Variants in KIAA2012 observed in about 807,000 individuals in gnomAD.
The protein encoded by KIAA2012 is uncharacterized protein KIAA2012.
In KIAA2012, 125 loss-of-function variants were observed where a neutral mutation model predicts 150.6. That is an observed-to-expected ratio of 0.83 (90% CI 0.72 to 0.96). The LOEUF is 0.96. Ranked by LOEUF, KIAA2012 falls within the 40% of genes least tolerant of loss-of-function variation. KIAA2012 has a pLI of 0.00. For synonymous variants in KIAA2012, 462 were observed against 504.7 expected (o/e 0.92, Z 1.13); for missense variants, 1,219 against 1,354.9 (o/e 0.90, Z 1.57).
At chr2:202,160,895 C>T (rs754379690) in intron 14 of KIAA2012, among the ~76,000 whole-genome samples, 3 of 152,148 alleles carry the variant, frequency 2.0e-5, no homozygotes, top group African/African-American at 7.2e-5. Context: ...ATGCAGCTGG[C>T]TCAAGACAGG....
chr2:202,105,559 C>T (rs1171755343), intron 8 of KIAA2012, among the ~76,000 whole-genome samples: 3 of 152,196 alleles, frequency 2.0e-5, no homozygotes, highest in South Asian at 2.1e-4. Context: ...GTGCCCACCC[C>T]GGAACCAATC....
At chr2:202,155,442 T>C (rs949282317) in intron 14 of KIAA2012, among the ~76,000 whole-genome samples, 3 of 152,148 alleles carry the variant, frequency 2.0e-5, no homozygotes, top group African/African-American at 7.2e-5. Flanking sequence ...CCCATCCTTT[T>C]CATCGCACAC....
intron 15 of KIAA2012, among the ~76,000 whole-genome samples, chr2:202,171,169 A>G (rs1160730305): frequency 6.8e-6 from 1 of 147,672 alleles, no homozygotes; most frequent in East Asian, 2.0e-4. Flanking sequence ...ATTCATACAT[A>G]GACACACACA....
chr2:202,192,255 A>G (rs1483807829), intron 19 of KIAA2012, among the ~76,000 whole-genome samples: 1 of 152,182 alleles, frequency 6.6e-6, no homozygotes. Flanking sequence ...TTGGATACAC[A>G]GAGTTCCTAG....
At chr2:202,176,493 C>T (rs552795084) in intron 15 of KIAA2012, among the ~76,000 whole-genome samples, 2 of 152,078 alleles carry the variant, frequency 1.3e-5, no homozygotes, top group South Asian at 4.2e-4. Flanking sequence ...CACTGTGCCC[C>T]GCCAATGAAT....
intron 2 of KIAA2012, chr2:202,076,966 T>C (rs1045904890): frequency 2.2e-6 from 1 of 456,802 alleles, no homozygotes; most frequent in Non-Finnish European, 4.4e-6. Flanking sequence ...GGAAAGAGAT[T>C]GGAGAGGGAG....
At chr2:202,165,129 T>C (rs1691729986) in intron 14 of KIAA2012, among the ~76,000 whole-genome samples, 155 bp from the exon 15 acceptor site, 1 of 152,152 alleles carries the variant, frequency 6.6e-6, no homozygotes. Flanking sequence ...GTAGCAGCCT[T>C]CCTGGAGACT....
chr2:202,089,272 CTG>C (rs1230963071), intron 2 of KIAA2012, among the ~76,000 whole-genome samples: 1 of 152,176 alleles, frequency 6.6e-6, no homozygotes, highest in Non-Finnish European at 1.5e-5. Flanking sequence ...TTGTTCAAGC[CTG>C]TTGAGTCAGG....
At chr2:202,149,384 C>G (rs1316455194) in intron 13 of KIAA2012, among the ~76,000 whole-genome samples, 1 of 152,258 alleles carries the variant, frequency 6.6e-6, no homozygotes, top group African/African-American at 2.4e-5. Flanking sequence ...CCCCGACCCG[C>G]TCTTCAAACG....
At chr2:202,193,230 G>A (rs1692352065) in intron 19 of KIAA2012, 71 bp from the exon 20 acceptor site, 1 of 1,394,466 alleles carries the variant, frequency 7.2e-7, no homozygotes, top group Non-Finnish European at 9.9e-7. Flanking sequence ...AACACTGTCT[G>A]GGGTGGAGAA....
chr2:202,130,899 G>A (rs1690913554), intron 12 of KIAA2012, among the ~76,000 whole-genome samples: 1 of 151,736 alleles, frequency 6.6e-6, no homozygotes, highest in Admixed American at 6.6e-5. Flanking sequence ...CCTGGCAACA[G>A]AGCGAGACTC....
In KIAA2012 at chr2:202,093,295, A is replaced by T. The variant is rs1321845226; in HGVS notation, c.685+110A>T. ...AAGGTCTTGAGATTCTGGGTTGCATAGTCCTCAATCTGTAAAATGAGGGGT... is the reference window on the plus strand; with the variant it reads ...AAGGTCTTGAGATTCTGGGTTGCATTGTCCTCAATCTGTAAAATGAGGGGT... On this transcript the variant is annotated intron_variant, in intron 4 of 23. Coordinates refer to ENST00000498697, the MANE Select transcript of KIAA2012 (RefSeq NM_001277372.4). 6.2e-6 allele frequency: 7 copies of T among 1,132,426 alleles called. No homozygotes were observed. The East Asian group carries it at 1.8e-4, about 29-fold the overall frequency. The allele number at this position is 1,132,426 out of a possible 1,614,324, so 70.1% of individuals were successfully genotyped here. A position where few individuals can be genotyped will look rare whatever the true frequency, so the allele number is the denominator to read the frequency against.
Position 202,083,432 on chromosome 2 carries a change from C to T in KIAA2012, c.370-7338C>T, listed in dbSNP as rs563870648. Among the ~76,000 whole-genome samples the T allele has an allele frequency of 2.9e-4, 44 of 151,888 alleles. 1 individual carries two copies. In the South Asian group the frequency reaches 5.2e-3, roughly 18 times the overall value. ...CACCTGGCAGCCCCAAGGCTGGCTCCAGTCACACATGCACAGGTGCAACGA... is the reference window on the plus strand; with the variant it reads ...CACCTGGCAGCCCCAAGGCTGGCTCTAGTCACACATGCACAGGTGCAACGA... On this transcript the variant is annotated intron_variant, in intron 2 of 23. Coordinates refer to ENST00000498697, the MANE Select transcript of KIAA2012 (RefSeq NM_001277372.4).
At chr2:202,124,688 C>T (rs2105936270) in intron 11 of KIAA2012, among the ~76,000 whole-genome samples, 1 of 152,324 alleles carries the variant, frequency 6.6e-6, no homozygotes, top group South Asian at 2.1e-4. Flanking sequence ...TACCTTTAAA[C>T]ATCTTAGATA....
At chr2:202,115,484 C>T (rs1011749650) in intron 11 of KIAA2012, 63 of 152,112 alleles carry the variant, frequency 4.1e-4, no homozygotes, top group African/African-American at 1.4e-3. Flanking sequence ...GAACATTTTC[C>T]TTAATAAATC....
chr2:202,073,722 C>A lies in KIAA2012; in HGVS notation c.84+11C>A. The A allele has an allele frequency of 6.5e-7, 1 of 1,549,704 alleles. No individual in the cohort carries two copies. Among genetic ancestry groups the A allele is most frequent in the East Asian group, 2.4e-5 (1 of 40,896 alleles). ...TACTTTGAACCAGAGGTGAGTCCCA[C>A]AGCTGAAGAAAGGCACATTTTGGAG... On this transcript the variant is annotated intron_variant, in intron 1 of 23. Coordinates refer to ENST00000498697, the MANE Select transcript of KIAA2012 (RefSeq NM_001277372.4).
chr2:202,190,953 G>A (rs1692317890), intron 19 of KIAA2012, among the ~76,000 whole-genome samples: 1 of 152,146 alleles, frequency 6.6e-6, no homozygotes, highest in African/African-American at 2.4e-5. Flanking sequence ...GGAATAGAGA[G>A]AGGCAGCCTG....
chr2:202,094,931 G>A (rs1177375402), intron 4 of KIAA2012, among the ~76,000 whole-genome samples: 4 of 152,176 alleles, frequency 2.6e-5, no homozygotes, highest in African/African-American at 4.8e-5. Context: ...AAAACAAAGA[G>A]GCTGTATCAA....
chr2:202,132,893 G>A (rs1312758847), intron 12 of KIAA2012, among the ~76,000 whole-genome samples: 3 of 133,884 alleles, frequency 2.2e-5, no homozygotes, highest in South Asian at 2.4e-4. Context: ...TCAGGAGATC[G>A]AGACCATCCT....
Sources: allele counts gnomAD v4.1 joint callset (sites outside exome capture counted in the v4.1 genomes callset), GRCh38; gene constraint gnomAD v4.1.1; transcripts MANE v1.5; gene names NCBI Gene and HGNC (gene_info 2026-07-23, HGNC 2026-07-21).